The following FAM168B variants were observed in gnomAD, a reference collection of about 807,000 sequenced individuals.
FAM168B encodes the protein myelin-associated neurite-outgrowth inhibitor.
FAM168B carries 19 observed loss-of-function variants against 21.8 expected under a neutral mutation model. The ratio of observed to expected loss-of-function variants is 0.87; its 90% CI spans 0.61 to 1.28. FAM168B has a LOEUF of 1.28. Among genes scored for constraint, FAM168B ranks in the 50% most tolerant of loss-of-function variants. The pLI, the probability that FAM168B is intolerant of heterozygous loss-of-function variation, is 0.00. For synonymous variants in FAM168B, 126 were observed against 104.8 expected, an observed-to-expected ratio of 1.20 and a Z score of -1.24; for missense variants, 233 against 263.1, an observed-to-expected ratio of 0.89 and a Z score of 0.79.
At position 131,049,354 on chromosome 2, in the gene FAM168B, A is replaced by C; in HGVS notation, c.*3111T>G. ...CCATTGCCTGTGAACACATTTGCATAGCACTCAAGAAGGTTTCCCAGAATA... is the reference window on the plus strand; with the variant it reads ...CCATTGCCTGTGAACACATTTGCATCGCACTCAAGAAGGTTTCCCAGAATA... On this transcript the variant is annotated 3_prime_UTR_variant, in exon 7 of 7. Transcript: ENST00000389915. The C allele has an allele frequency of 1.0e-6, 1 of 985,546 alleles. No homozygotes were observed. Among genetic ancestry groups the C allele is most frequent in the Non-Finnish European group, 1.2e-6 (1 of 830,010 alleles). The allele number at this position is 985,546 out of a possible 1,614,324, so 61.1% of individuals were successfully genotyped here.
intron 3 of FAM168B, among the ~76,000 whole-genome samples, chr2:131,057,682 G>A (rs765234149): frequency 3.3e-5 from 5 of 152,280 alleles, no homozygotes; most frequent in East Asian, 3.9e-4. Flanking sequence ...GGAGGTCAAC[G>A]CTGCAGTGAG....
intron 2 of FAM168B, among the ~76,000 whole-genome samples, chr2:131,082,337 C>T (rs1693466003): frequency 6.6e-6 from 1 of 152,118 alleles, no homozygotes; most frequent in Non-Finnish European, 1.5e-5. Flanking sequence ...TAAGTTAATA[C>T]TGAGGAAGCG....
At chr2:131,084,917 G>A (rs528392580) in intron 1 of FAM168B, among the ~76,000 whole-genome samples, 3 of 152,154 alleles carry the variant, frequency 2.0e-5, no homozygotes, top group Non-Finnish European at 2.9e-5. Flanking sequence ...GTTTCACTAC[G>A]TCACTCAGTT....
chr2:131,077,032 A>C lies in FAM168B; in HGVS notation c.71-5094T>G, dbSNP rs1558982175. 2.0e-5 allele frequency among the ~76,000 whole-genome samples: 3 copies of C among 151,966 alleles called. No individual in the cohort carries two copies. In the South Asian group the frequency reaches 6.2e-4, roughly 32 times the overall value. ...TGTGCATTTGCTCTCTGACCCAGCA[A>C]CCCCAGCTCTAGGAACCCACCCTGA... On this transcript the variant is annotated intron_variant, in intron 2 of 6. Transcript: ENST00000389915.
Position 131,052,375 on chromosome 2 carries a change from T to A in FAM168B, c.*90A>T, listed in dbSNP as rs1404473938. ...AGTGTCGAGAGCATTAAGAAGAAAG[T>A]CCTGGTTGGAGGCGCAAGGCCTGCA... On this transcript the variant is annotated 3_prime_UTR_variant, in exon 7 of 7. Coordinates refer to ENST00000389915, the MANE Select transcript of FAM168B (RefSeq NM_001009993.4). 9 of 986,542 alleles carry A rather than the reference T, an allele frequency of 9.1e-6. No individual in the cohort carries two copies. The highest frequency in any genetic ancestry group is 1.1e-5 in the Non-Finnish European group (9 of 830,472). The allele number at this position is 986,542 out of a possible 1,614,324, so 61.1% of individuals were successfully genotyped here.
chr2:131,084,517 C>A (rs1007985179), intron 1 of FAM168B, among the ~76,000 whole-genome samples: 7 of 152,034 alleles, frequency 4.6e-5, no homozygotes, highest in South Asian at 2.1e-4. Context: ...TGTATTTCTT[C>A]AAAAACTTGT....
chr2:131,049,422 A>C lies in FAM168B; in HGVS notation c.*3043T>G. The C allele has an allele frequency of 2.0e-6, 2 of 985,482 alleles. No homozygotes were observed. Among genetic ancestry groups the C allele is most frequent in the South Asian group, 9.4e-5 (2 of 21,284 alleles). 61.0% of individuals were successfully genotyped at this position (985,482 alleles called of 1,614,324 possible). A position where few individuals can be genotyped will look rare whatever the true frequency, so the allele number is the denominator to read the frequency against. On this transcript the variant is annotated 3_prime_UTR_variant, in exon 7 of 7. Transcript: ENST00000389915. The stretch of plus-strand genomic sequence containing the variant: ...AAACCACACCAAGAAGAACGTTCTT[A>C]ACAGATGGCTCACGAGAGACATAAA...
At position 131,088,239 on chromosome 2, in the gene FAM168B, C is replaced by CT. The variant is rs1368964776; in HGVS notation, c.-12+4974dup. ...CCAGATGGGGCAACAGAGCAAGACT[C>CT]TGTCTGGGGGGAAAAAAAAATCAAA... On this transcript the variant is annotated intron_variant, in intron 1 of 6. Transcript: ENST00000389915. Among the ~76,000 whole-genome samples, 14 of 136,272 alleles carry CT rather than the reference C, an allele frequency of 1.0e-4. No homozygotes were observed. In the East Asian group the frequency reaches 2.0e-3, roughly 19 times the overall value. 89.4% of individuals were successfully genotyped at this position (136,272 alleles called of 152,430 possible).
At chr2:131,056,136 G>A (rs1692009369) in intron 3 of FAM168B, among the ~76,000 whole-genome samples, 1 of 152,144 alleles carries the variant, frequency 6.6e-6, no homozygotes, top group Admixed American at 6.5e-5. Flanking sequence ...TTAACTGTAA[G>A]CATGCTCATC....
At chr2:131,061,843 A>G (rs1692314850) in intron 3 of FAM168B, among the ~76,000 whole-genome samples, 1 of 152,156 alleles carries the variant, frequency 6.6e-6, no homozygotes, top group Admixed American at 6.5e-5. Context: ...TAAAAAGGCC[A>G]TCAGCAGGAA....
intron 2 of FAM168B, among the ~76,000 whole-genome samples, chr2:131,076,493 CA>C (rs200643042): frequency 6.1e-5 from 9 of 148,320 alleles, no homozygotes; most frequent in South Asian, 2.1e-4. Context: ...AATAAAAGTA[CA>C]AAAAAAAAAT....
At position 131,051,522 on chromosome 2, in the gene FAM168B, A is replaced by T; in HGVS notation, c.*943T>A. 3 of 985,324 alleles carry T rather than the reference A, an allele frequency of 3.0e-6. No individual in the cohort carries two copies. Among genetic ancestry groups the T allele is most frequent in the Non-Finnish European group, 3.6e-6 (3 of 829,848 alleles). The allele number at this position is 985,324 out of a possible 1,614,324, so 61.0% of individuals were successfully genotyped here. On this transcript the variant is annotated 3_prime_UTR_variant, in exon 7 of 7. Transcript: ENST00000389915. ...AAGGAATGATTTTCTAAGCTAAATAAAGCAGAGGACAATACCTCCTGCAAG... is the reference window on the plus strand; with the variant it reads ...AAGGAATGATTTTCTAAGCTAAATATAGCAGAGGACAATACCTCCTGCAAG...
Position 131,049,249 on chromosome 2 carries a change from G to A in FAM168B, c.*3216C>T. 1 of 985,420 alleles carries A rather than the reference G, an allele frequency of 1.0e-6. No individual in the cohort carries two copies. Among genetic ancestry groups the A allele is most frequent in the African/African-American group, 1.7e-5 (1 of 57,334 alleles). The allele number at this position is 985,420 out of a possible 1,614,324, so 61.0% of individuals were successfully genotyped here. A position where few individuals can be genotyped will look rare whatever the true frequency, so the allele number is the denominator to read the frequency against. ...CACAGCCAGATGATGCCACCAGAAA[G>A]AGCAAGGTACTGTATGCCCAGCTGG... On this transcript the variant is annotated 3_prime_UTR_variant, in exon 7 of 7. Transcript: ENST00000389915.
intron 3 of FAM168B, among the ~76,000 whole-genome samples, chr2:131,060,670 G>A (rs1195834332): frequency 6.6e-6 from 1 of 152,146 alleles, no homozygotes; most frequent in Non-Finnish European, 1.5e-5. Flanking sequence ...TCATGTTAGG[G>A]AGGGCTACAC....
intron 1 of FAM168B, among the ~76,000 whole-genome samples, chr2:131,089,767 C>T (rs1559006147): frequency 6.6e-6 from 1 of 151,566 alleles, no homozygotes; most frequent in Non-Finnish European, 1.5e-5. Context: ...GGCATGGTGG[C>T]TCACGCCTGT....
chr2:131,060,767 G>A (rs1692250614), intron 3 of FAM168B, among the ~76,000 whole-genome samples: 1 of 152,072 alleles, frequency 6.6e-6, no homozygotes, highest in South Asian at 2.1e-4. Flanking sequence ...CCTTACATAA[G>A]GTAAATATGG....
chr2:131,053,120 G>A lies in FAM168B; in HGVS notation c.476-105C>T, dbSNP rs555681979. ...CTCTTTGCAAGGAGGAGGGTATACA[G>A]GAAGAGGGATAGTCTTGACCCAGAT... On this transcript the variant is annotated intron_variant, in intron 5 of 6. Transcript: ENST00000389915. 986 of 1,404,826 alleles carry A rather than the reference G, an allele frequency of 7.0e-4. 10 individuals carry two copies. The South Asian group carries it at 9.4e-3, about 13-fold the overall frequency. 87.0% of individuals were successfully genotyped at this position (1,404,826 alleles called of 1,614,324 possible).
chr2:131,088,829 C>T (rs1014085542), intron 1 of FAM168B, among the ~76,000 whole-genome samples: 6 of 152,126 alleles, frequency 3.9e-5, no homozygotes, highest in African/African-American at 1.4e-4. Context: ...TAATGCAAAA[C>T]TAAAGAAAAA....
At chr2:131,091,766 A>T (rs1694043389) in intron 1 of FAM168B, among the ~76,000 whole-genome samples, 1 of 152,054 alleles carries the variant, frequency 6.6e-6, no homozygotes, top group Non-Finnish European at 1.5e-5. Context: ...GTACAATCAG[A>T]CAGACTTAAC....
Sources: gnomAD v4.1 joint callset for allele counts (sites outside exome capture counted in the v4.1 genomes callset) on GRCh38, gnomAD v4.1.1 for gene constraint, MANE v1.5 for transcripts, NCBI Gene and HGNC (gene_info 2026-07-23, HGNC 2026-07-21) for gene names.